Variants in GRB14 observed in about 807,000 individuals in gnomAD.
GRB14 encodes growth factor receptor-bound protein 14.
A neutral mutation model predicts 69.1 loss-of-function variants in GRB14; 38 were observed. The ratio of observed to expected loss-of-function variants is 0.55; its 90% confidence interval spans 0.42 to 0.72. GRB14 has a LOEUF of 0.72. Ranked by LOEUF, GRB14 falls within the 30% of genes least tolerant of loss-of-function variation. The probability of loss-of-function intolerance (pLI) is 0.00; values close to 1 mark genes in which losing one functional copy is unlikely to be tolerated. For missense variants in GRB14, 666 were observed against 666.1 expected (o/e 1.00, Z 0.00); for synonymous variants, 247 against 241.3 (o/e 1.02, Z -0.22).
At chr2:164,530,194 G>A (rs75093553) in intron 3 of GRB14, among the ~76,000 whole-genome samples, 214 of 152,254 alleles carry the variant, frequency 1.4e-3, no homozygotes, top group Non-Finnish European at 2.6e-3. Flanking sequence ...GTCTCAGGAA[G>A]CTTACAATCA....
chr2:164,555,481 G>A (rs1688655526), intron 2 of GRB14, among the ~76,000 whole-genome samples: 2 of 152,046 alleles, frequency 1.3e-5, no homozygotes, highest in South Asian at 4.2e-4. Context: ...AAAAAAAAGA[G>A]CAAAAGTGAA....
At position 164,497,245 on chromosome 2, in the gene GRB14, G is replaced by A; in HGVS notation, c.1260C>T (p.Pro420=). The change falls in exon 11 of 14, where the codon CCC becomes CCT. Residue 420 remains proline (P), a synonymous_variant. Coordinates refer to ENST00000263915, the MANE Select transcript of GRB14 (RefSeq NM_004490.3). ...GCLRLGTHGS[P]TASSQSSATN... Reference sequence around the variant, plus strand: ...TGGCAGAGCTCTGTGAAGAGGCAGTGGGGCTACCGTGAGTGCCCAGGCGTA... The same window carrying A: ...TGGCAGAGCTCTGTGAAGAGGCAGTAGGGCTACCGTGAGTGCCCAGGCGTA... 1 of 1,613,768 alleles carries A rather than the reference G, an allele frequency of 6.2e-7. No homozygotes were observed. The highest frequency in any genetic ancestry group is 8.5e-7 in the Non-Finnish European group (1 of 1,179,796).
chr2:164,586,967 A>T (rs1689553874), intron 2 of GRB14, among the ~76,000 whole-genome samples: 1 of 152,222 alleles, frequency 6.6e-6, no homozygotes, highest in South Asian at 2.1e-4. Flanking sequence ...AATGAAACAC[A>T]TAATTTTCTC....
chr2:164,612,248 C>T (rs1163585026), intron 2 of GRB14, among the ~76,000 whole-genome samples: 1 of 152,090 alleles, frequency 6.6e-6, no homozygotes. Context: ...TGTAACAATA[C>T]GTCTATGGAA....
chr2:164,608,542 T>C (rs1690092682), intron 2 of GRB14, among the ~76,000 whole-genome samples: 1 of 150,234 alleles, frequency 6.7e-6, no homozygotes, highest in African/African-American at 2.5e-5. Context: ...ACCCCTTATA[T>C]ATCCCAGTAG....
intron 2 of GRB14, among the ~76,000 whole-genome samples, chr2:164,553,834 A>G (rs1265545115): frequency 6.6e-6 from 1 of 152,080 alleles, no homozygotes. Flanking sequence ...AGTGGCTGTA[A>G]TCCCAGCTAC....
intron 6 of GRB14, among the ~76,000 whole-genome samples, chr2:164,517,836 G>C (rs1687535958): frequency 6.6e-6 from 1 of 152,102 alleles, no homozygotes; most frequent in African/African-American, 2.4e-5. Context: ...ATATATATAT[G>C]CACCTAATCC....
chr2:164,529,756 A>G (rs1352803469), intron 3 of GRB14, among the ~76,000 whole-genome samples: 1 of 152,092 alleles, frequency 6.6e-6, no homozygotes, highest in Non-Finnish European at 1.5e-5. Context: ...TTCTAATCCA[A>G]CGTGGACACC....
intron 6 of GRB14, among the ~76,000 whole-genome samples, chr2:164,509,321 C>T (rs1438947538): frequency 6.6e-6 from 1 of 152,152 alleles, no homozygotes; most frequent in East Asian, 1.9e-4. Flanking sequence ...ACAGTCATCC[C>T]TCACATTTGT....
At chr2:164,609,461 C>T (rs1159143119) in intron 2 of GRB14, among the ~76,000 whole-genome samples, 1 of 152,198 alleles carries the variant, frequency 6.6e-6, no homozygotes, top group Non-Finnish European at 1.5e-5. Context: ...TGAAGGCAAA[C>T]CTGTGCTCCA....
chr2:164,584,434 A>C (rs1353972201), intron 2 of GRB14, among the ~76,000 whole-genome samples: 1 of 152,054 alleles, frequency 6.6e-6, no homozygotes, highest in East Asian at 1.9e-4. Context: ...CTGCAAAATG[A>C]GGTTTTTAAA....
intron 2 of GRB14, among the ~76,000 whole-genome samples, chr2:164,595,026 G>A (rs1258192916): frequency 2.0e-5 from 3 of 152,100 alleles, no homozygotes; most frequent in Non-Finnish European, 2.9e-5. Context: ...CCCATTAATA[G>A]GTCCATGTCT....
Position 164,502,341 on chromosome 2 carries a change from GAAT to G in GRB14, c.1024-9_1024-7del, listed in dbSNP as rs1312041440. ...TGGTACAGCTGCATGCCATACTGCA[GAAT>G]AAATAAATAAAACACATTCCCACCA... On this transcript the variant is annotated splice_region_variant and splice_polypyrimidine_tract_variant and intron_variant, in intron 8 of 13. Coordinates refer to ENST00000263915, the MANE Select transcript of GRB14 (RefSeq NM_004490.3). 1 of 1,509,574 alleles carries G rather than the reference GAAT, an allele frequency of 6.6e-7. No homozygotes were observed. The highest frequency in any genetic ancestry group is 2.3e-5 in the East Asian group (1 of 44,250). 93.5% of individuals were successfully genotyped at this position (1,509,574 alleles called of 1,614,324 possible). A position where few individuals can be genotyped will look rare whatever the true frequency, so the allele number is the denominator to read the frequency against.
intron 2 of GRB14, among the ~76,000 whole-genome samples, chr2:164,581,713 A>T (rs1689410047): frequency 2.6e-5 from 4 of 152,208 alleles, no homozygotes; most frequent in Non-Finnish European, 4.4e-5. Context: ...TTGTTACAGC[A>T]GCAAGGGGAA....
At chr2:164,515,971 C>T (rs1687472799) in intron 6 of GRB14, among the ~76,000 whole-genome samples, 1 of 151,700 alleles carries the variant, frequency 6.6e-6, no homozygotes, top group African/African-American at 2.4e-5. Context: ...GAAGAAAGGA[C>T]TTCAGAACTC....
At chr2:164,586,035 A>AT (rs1689530151) in intron 2 of GRB14, among the ~76,000 whole-genome samples, 1 of 152,212 alleles carries the variant, frequency 6.6e-6, no homozygotes. Context: ...CACATAAGAG[A>AT]TGCACACAAC....
intron 6 of GRB14, among the ~76,000 whole-genome samples, chr2:164,519,685 G>T (rs1427477141): frequency 6.6e-6 from 1 of 151,984 alleles, no homozygotes; most frequent in Admixed American, 6.6e-5. Flanking sequence ...TTAACATACA[G>T]AAATAAATAG....
At chr2:164,503,819 C>G (rs1048800197) in intron 8 of GRB14, among the ~76,000 whole-genome samples, 1 of 152,138 alleles carries the variant, frequency 6.6e-6, no homozygotes, top group Non-Finnish European at 1.5e-5. Flanking sequence ...CAGCTGCCTA[C>G]TAATAAGTCT....
chr2:164,572,174 G>A (rs770943390), intron 2 of GRB14, among the ~76,000 whole-genome samples: 50 of 152,252 alleles, frequency 3.3e-4, no homozygotes, highest in Middle Eastern at 3.4e-3. Context: ...TGGTGCAAAA[G>A]TAATTGGGGT....
Sources: allele counts gnomAD v4.1 joint callset (sites outside exome capture counted in the v4.1 genomes callset), GRCh38; gene constraint gnomAD v4.1.1; transcripts MANE v1.5; gene names NCBI Gene and HGNC (gene_info 2026-07-23, HGNC 2026-07-21).